FHOD3: variants seen among roughly 807,000 people sequenced by gnomAD.
FHOD3 encodes the protein FH1/FH2 domain-containing protein 3.
Under a neutral mutation model 173.0 loss-of-function variants are expected in FHOD3, and 90 were observed. The ratio of observed to expected loss-of-function variants is 0.52; its 90% CI spans 0.44 to 0.62. FHOD3 has a LOEUF of 0.62. Among genes scored for constraint, FHOD3 ranks in the 20% least tolerant of loss-of-function variants. The probability of loss-of-function intolerance (pLI) is 0.00; values close to 1 mark genes in which losing one functional copy is unlikely to be tolerated. For synonymous variants in FHOD3, 828 were observed against 823.0 expected (o/e 1.01, Z -0.10); for missense variants, 1,945 against 2,034.7 (o/e 0.96, Z 0.85).
At chr18:36,435,130 G>A (rs1218467025) in intron 3 of FHOD3, among the ~76,000 whole-genome samples, 5 of 143,322 alleles carry the variant, frequency 3.5e-5, no homozygotes, top group African/African-American at 1.3e-4. Context: ...GTCAAGAAAA[G>A]ACCCGTTTCC....
chr18:36,437,087 C>T (rs1456147015), intron 3 of FHOD3, among the ~76,000 whole-genome samples: 1 of 152,060 alleles, frequency 6.6e-6, no homozygotes, highest in Admixed American at 6.6e-5. Context: ...TGTTTTTTCT[C>T]ATTGTATGAG....
At chr18:36,599,795 AC>A (rs2148444788) in intron 7 of FHOD3, among the ~76,000 whole-genome samples, 1 of 152,304 alleles carries the variant, frequency 6.6e-6, no homozygotes, top group East Asian at 1.9e-4. Flanking sequence ...ACCAACCACC[AC>A]CATTACAATT....
In FHOD3 at chr18:36,452,704, T is replaced by C. The variant is rs559844402; in HGVS notation, c.338-49228T>C. ...GGTGGAGTCAGGCAGTGTTTGTCCTTCTGTGACTGGCTTATTTCACTTGGC... is the reference window on the plus strand; with the variant it reads ...GGTGGAGTCAGGCAGTGTTTGTCCTCCTGTGACTGGCTTATTTCACTTGGC... On this transcript the variant is annotated intron_variant, in intron 3 of 28. Transcript: ENST00000590592. Among the ~76,000 whole-genome samples the C allele has an allele frequency of 7.2e-5, 11 of 152,294 alleles. No individual in the cohort carries two copies. The South Asian group carries it at 1.9e-3, about 26-fold the overall frequency.
In FHOD3 at chr18:36,693,296, C is replaced by T. The variant is rs1432853271; in HGVS notation, c.2109C>T (p.Ser703=). 6.2e-7 allele frequency: 1 copy of T among 1,613,862 alleles called. No individual in the cohort carries two copies. Among genetic ancestry groups the T allele is most frequent in the East Asian group, 2.2e-5 (1 of 44,870 alleles). The change falls in exon 17 of 29, where the codon TCC becomes TCT. Residue 703 remains serine (S), a synonymous_variant. Coordinates refer to ENST00000590592, the MANE Select transcript of FHOD3 (RefSeq NM_001281740.3). ...RSVSRGRADL[S]LDLTSPAAPA... is the part of the protein sequence containing the mutation. The stretch of plus-strand genomic sequence containing the variant: ...TGAGCCGGGGCAGAGCCGACCTCTC[C>T]TTGGACCTGACCTCGCCAGCAGCCC...
intron 3 of FHOD3, among the ~76,000 whole-genome samples, chr18:36,384,228 A>G (rs1234065877): frequency 2.6e-5 from 4 of 151,970 alleles, no homozygotes; most frequent in African/African-American, 9.7e-5. Flanking sequence ...AAAATAGAAA[A>G]AATTAGCCGG....
intron 14 of FHOD3, among the ~76,000 whole-genome samples, chr18:36,677,834 G>A (rs2037961613): frequency 6.6e-6 from 1 of 152,046 alleles, no homozygotes; most frequent in African/African-American, 2.4e-5. Context: ...AAAAGAATTG[G>A]CATCCTGACT....
At chr18:36,637,610 G>A (rs1009224057) in intron 10 of FHOD3, among the ~76,000 whole-genome samples, 3 of 152,286 alleles carry the variant, frequency 2.0e-5, no homozygotes, top group African/African-American at 7.2e-5. Context: ...ATACAGTGGT[G>A]AACATGAACC....
At chr18:36,693,959 C>G (rs541541033) in intron 17 of FHOD3, among the ~76,000 whole-genome samples, 1 of 152,084 alleles carries the variant, frequency 6.6e-6, no homozygotes, top group Non-Finnish European at 1.5e-5. Flanking sequence ...TGTGTGTGTA[C>G]GTCCTTATGT....
At chr18:36,772,499 A>C (rs2043429218) in intron 28 of FHOD3, among the ~76,000 whole-genome samples, 1 of 152,288 alleles carries the variant, frequency 6.6e-6, no homozygotes, top group African/African-American at 2.4e-5. Flanking sequence ...AGACAATAAT[A>C]GTTCTGCTCT....
chr18:36,734,203 C>G (rs1270357006), intron 20 of FHOD3, among the ~76,000 whole-genome samples: 2 of 152,212 alleles, frequency 1.3e-5, no homozygotes, highest in East Asian at 3.9e-4. Flanking sequence ...TCAGTAAATT[C>G]ATAGTCACAA....
intron 22 of FHOD3, among the ~76,000 whole-genome samples, chr18:36,743,400 A>T (rs1286113228): frequency 6.6e-6 from 1 of 151,724 alleles, no homozygotes; most frequent in Non-Finnish European, 1.5e-5. Flanking sequence ...AAAAACACAC[A>T]CATGATTCTT....
intron 3 of FHOD3, among the ~76,000 whole-genome samples, chr18:36,455,659 A>G (rs2052156556): frequency 6.6e-6 from 1 of 151,564 alleles, no homozygotes; most frequent in Non-Finnish European, 1.5e-5. Flanking sequence ...TTTCAAAAAA[A>G]ATAGTTAAAA....
intron 1 of FHOD3, among the ~76,000 whole-genome samples, chr18:36,320,382 A>C (rs2044333875): frequency 2.0e-5 from 3 of 152,250 alleles, no homozygotes; most frequent in Admixed American, 6.5e-5. Flanking sequence ...TAGAAAATCT[A>C]GAAGAAATGG....
intron 6 of FHOD3, among the ~76,000 whole-genome samples, chr18:36,589,404 A>C (rs1249440069): frequency 6.6e-6 from 1 of 152,158 alleles, no homozygotes; most frequent in Non-Finnish European, 1.5e-5. Flanking sequence ...GCCCAAAGAA[A>C]GTGAGGTTGT....
chr18:36,458,546 C>T (rs1189803605), intron 3 of FHOD3, among the ~76,000 whole-genome samples: 1 of 152,050 alleles, frequency 6.6e-6, no homozygotes, highest in Non-Finnish European at 1.5e-5. Flanking sequence ...CTTGCCTCAG[C>T]TGGGGCCTCT....
chr18:36,335,504 A>AG (rs1372370853), intron 1 of FHOD3, among the ~76,000 whole-genome samples: 1 of 152,080 alleles, frequency 6.6e-6, no homozygotes, highest in Non-Finnish European at 1.5e-5. Context: ...AAAAAAAAAA[A>AG]AAAAACTTAA....
chr18:36,313,875 C>T (rs1001350915), intron 1 of FHOD3, among the ~76,000 whole-genome samples: 9 of 151,632 alleles, frequency 5.9e-5, no homozygotes, highest in African/African-American at 1.9e-4. Context: ...ATCCTTTGTC[C>T]GAATAATTTG....
chr18:36,682,716 G>A (rs10163542), intron 15 of FHOD3, among the ~76,000 whole-genome samples: 3,756 of 152,186 alleles, frequency 0.025, 157 homozygotes, highest in African/African-American at 0.086. Context: ...CCAAGTAGCT[G>A]GAATTACAGG....
At chr18:36,415,006 G>A (rs926991705) in intron 3 of FHOD3, among the ~76,000 whole-genome samples, 1 of 152,204 alleles carries the variant, frequency 6.6e-6, no homozygotes, top group African/African-American at 2.4e-5. Context: ...TAGCAGGAGG[G>A]GGCAGTGAGT....
Sources: gnomAD v4.1 joint callset for allele counts (sites outside exome capture counted in the v4.1 genomes callset) on GRCh38, gnomAD v4.1.1 for gene constraint, MANE v1.5 for transcripts, NCBI Gene and HGNC (gene_info 2026-07-23, HGNC 2026-07-21) for gene names.